The following LRRK1 variants were observed in gnomAD, a reference collection of about 807,000 sequenced individuals.
LRRK1 encodes the protein leucine-rich repeat serine/threonine-protein kinase 1.
In LRRK1, 113 loss-of-function variants were observed where a neutral mutation model predicts 209.1. That is an observed-to-expected ratio of 0.54 (90% CI 0.46 to 0.63). The LOEUF (loss-of-function observed/expected upper bound fraction) is 0.63. Ranked by LOEUF, LRRK1 falls within the 30% of genes least tolerant of loss-of-function variation. The probability of loss-of-function intolerance (pLI) is 0.00; values close to 1 mark genes in which losing one functional copy is unlikely to be tolerated. For synonymous variants in LRRK1, 1,144 were observed against 1,099.7 expected, an observed-to-expected ratio of 1.04 and a Z score of -0.80; for missense variants, 2,284 against 2,632.2, an observed-to-expected ratio of 0.87 and a Z score of 2.89.
At chr15:100,985,296 A>G (rs1319133124) in intron 4 of LRRK1, among the ~76,000 whole-genome samples, 1 of 152,208 alleles carries the variant, frequency 6.6e-6, no homozygotes, top group Non-Finnish European at 1.5e-5. Flanking sequence ...CCCCAAGATT[A>G]GCTCTGTTCT....
At chr15:101,028,231 C>G (rs898301905) in intron 19 of LRRK1, among the ~76,000 whole-genome samples, 2 of 152,210 alleles carry the variant, frequency 1.3e-5, no homozygotes, top group African/African-American at 4.8e-5. Context: ...CACATACTCA[C>G]CAGCCCGTCA....
intron 4 of LRRK1, among the ~76,000 whole-genome samples, chr15:100,986,469 C>T (rs2031877724): frequency 6.6e-6 from 1 of 152,222 alleles, no homozygotes; most frequent in African/African-American, 2.4e-5. Context: ...TATTTACTAA[C>T]TGTGGGACCT....
intron 2 of LRRK1, among the ~76,000 whole-genome samples, chr15:100,969,486 T>TG (rs903442777): frequency 5.5e-4 from 84 of 152,244 alleles, no homozygotes; most frequent in Admixed American, 1.1e-3. Flanking sequence ...TTATTTTTTC[T>TG]TTTTTTTCAA....
chr15:101,042,924 G>A (rs2034842726), intron 20 of LRRK1, among the ~76,000 whole-genome samples: 1 of 152,190 alleles, frequency 6.6e-6, no homozygotes, highest in South Asian at 2.1e-4. Flanking sequence ...CCTCGGGGTG[G>A]GACCCCTACG....
intron 2 of LRRK1, among the ~76,000 whole-genome samples, chr15:100,970,359 G>A (rs2030781501): frequency 6.6e-6 from 1 of 152,222 alleles, no homozygotes; most frequent in African/African-American, 2.4e-5. Flanking sequence ...TTTATTAAAT[G>A]AGGGTGTCCA....
chr15:101,019,412 C>T (rs1235115737), intron 12 of LRRK1, among the ~76,000 whole-genome samples: 1 of 152,132 alleles, frequency 6.6e-6, no homozygotes, highest in African/African-American at 2.4e-5. Flanking sequence ...CATTTCCTTA[C>T]CTAGCAAGGA....
Position 100,977,180 on chromosome 15 carries a change from G to T in LRRK1, c.261+3213G>T, listed in dbSNP as rs541631422. ...GTTGGCAATCCAGAAACACAAACTG[G>T]CACAGAGAAAAAAAAAAAAAATTCC... On this transcript the variant is annotated intron_variant, in intron 3 of 33. Coordinates refer to ENST00000388948, the MANE Select transcript of LRRK1 (RefSeq NM_024652.6). Among the ~76,000 whole-genome samples, 193 of 45,756 alleles carry T rather than the reference G, an allele frequency of 4.2e-3. 1 individual carries two copies. Among genetic ancestry groups the T allele is most frequent in the African/African-American group, 0.016 (187 of 11,704 alleles). The allele number at this position is 45,756 out of a possible 152,430, so 30.0% of individuals were successfully genotyped here.
chr15:100,925,165 G>A (rs570132361), intron 2 of LRRK1, among the ~76,000 whole-genome samples: 1 of 152,296 alleles, frequency 6.6e-6, no homozygotes, highest in African/African-American at 2.4e-5. Context: ...GCTTCTCTGT[G>A]TTTAGGGGAC....
At chr15:100,935,475 A>G (rs1029713183) in intron 2 of LRRK1, among the ~76,000 whole-genome samples, 1 of 152,162 alleles carries the variant, frequency 6.6e-6, no homozygotes, top group African/African-American at 2.4e-5. Flanking sequence ...AGAAGCACCA[A>G]ATGGGGCTGG....
At chr15:100,997,918 G>A (rs1010996257) in intron 6 of LRRK1, among the ~76,000 whole-genome samples, 13 of 152,198 alleles carry the variant, frequency 8.5e-5, no homozygotes, top group Admixed American at 5.2e-4. Context: ...GGTGGCTCAC[G>A]CCTATAATCC....
At chr15:100,981,668 C>T (rs563848602) in intron 3 of LRRK1, among the ~76,000 whole-genome samples, 1 of 152,192 alleles carries the variant, frequency 6.6e-6, no homozygotes, top group Non-Finnish European at 1.5e-5. Context: ...GATAAACTCC[C>T]TAACCATGGG....
intron 2 of LRRK1, among the ~76,000 whole-genome samples, chr15:100,926,680 CTTTTTT>C (rs71151990): frequency 2.5e-3 from 201 of 81,830 alleles, no homozygotes; most frequent in African/African-American, 9.6e-3. Flanking sequence ...TTCTTTTTTT[CTTTTTT>C]TTTTTTTTTT....
intron 21 of LRRK1, 60 bp downstream of exon 21, chr15:101,046,212 C>T: frequency 6.5e-7 from 1 of 1,547,862 alleles, no homozygotes; most frequent in Admixed American, 1.8e-5. Context: ...AGTTGTACCA[C>T]TGGGGGAGGG....
At chr15:100,934,801 T>G (rs1175562120) in intron 2 of LRRK1, among the ~76,000 whole-genome samples, 1 of 47,250 alleles carries the variant, frequency 2.1e-5, no homozygotes, top group East Asian at 5.1e-4. Flanking sequence ...AGAAACTGTC[T>G]CAAAAAAAAA....
intron 26 of LRRK1, 43 bp downstream of exon 26, chr15:101,053,463 A>C (rs764921873): frequency 5.3e-6 from 8 of 1,505,372 alleles, no homozygotes. Context: ...AGACCGACAG[A>C]GCCCCGGGCG....
At chr15:101,006,867 A>C (rs559174176) in intron 6 of LRRK1, among the ~76,000 whole-genome samples, 21 of 152,330 alleles carry the variant, frequency 1.4e-4, no homozygotes, top group African/African-American at 5.1e-4. Context: ...AAATTTTTCA[A>C]AATTAAAATG....
At chr15:101,016,500 A>G (rs1005770124) in intron 12 of LRRK1, among the ~76,000 whole-genome samples, 1 of 151,240 alleles carries the variant, frequency 6.6e-6, no homozygotes, top group African/African-American at 2.4e-5. Flanking sequence ...TTCTTATAAG[A>G]ATGTTAATCT....
At chr15:100,937,220 T>C (rs1030018015) in intron 2 of LRRK1, among the ~76,000 whole-genome samples, 4 of 152,246 alleles carry the variant, frequency 2.6e-5, no homozygotes, top group African/African-American at 9.6e-5. Flanking sequence ...ATTTTTAAAC[T>C]ATCTTATTCA....
chr15:101,013,843 G>A (rs1402668879), intron 10 of LRRK1, among the ~76,000 whole-genome samples: 6 of 151,948 alleles, frequency 3.9e-5, no homozygotes, highest in Non-Finnish European at 8.8e-5. Flanking sequence ...AGTTACCCTT[G>A]GTGGCACTGC....
Sources: allele counts gnomAD v4.1 joint callset (sites outside exome capture counted in the v4.1 genomes callset), GRCh38; gene constraint gnomAD v4.1.1; transcripts MANE v1.5; gene names NCBI Gene and HGNC (gene_info 2026-07-23, HGNC 2026-07-21).